Variants in PAPPA observed in about 807,000 individuals in gnomAD.
PAPPA encodes pappalysin 1, also known as pappalysin-1.
Under a neutral mutation model 164.0 loss-of-function variants are expected in PAPPA, and 60 were observed. The observed-to-expected ratio is 0.37, with a 90% CI of 0.30 to 0.45. The LOEUF (loss-of-function observed/expected upper bound fraction) is 0.45, where lower values mean the gene tolerates loss of function less well. Ranked by LOEUF, PAPPA falls within the 20% of genes least tolerant of loss-of-function variation. The pLI is 1.00. For synonymous variants in PAPPA, 875 were observed against 814.1 expected (o/e 1.07, Z -1.27); for missense variants, 1,782 against 2,087.3 (o/e 0.85, Z 2.85).
At chr9:116,229,145 G>A (rs769519568) in intron 6 of PAPPA, among the ~76,000 whole-genome samples, 16 of 152,182 alleles carry the variant, frequency 1.1e-4, no homozygotes, top group Non-Finnish European at 2.1e-4. Context: ...CAGAACTGGA[G>A]ACTCAGTCTT....
At chr9:116,169,961 C>T (rs940458005) in intron 1 of PAPPA, among the ~76,000 whole-genome samples, 21 of 151,880 alleles carry the variant, frequency 1.4e-4, no homozygotes, top group Admixed American at 4.6e-4. Flanking sequence ...CTTATGAATA[C>T]GAGTACCAAG....
chr9:116,353,164 C>T (rs1846306406), intron 16 of PAPPA, among the ~76,000 whole-genome samples: 1 of 152,136 alleles, frequency 6.6e-6, no homozygotes, highest in Non-Finnish European at 1.5e-5. Flanking sequence ...TACTTCTCTG[C>T]ACTTCATTTT....
chr9:116,243,927 G>A (rs969304987), intron 7 of PAPPA, among the ~76,000 whole-genome samples: 2 of 152,096 alleles, frequency 1.3e-5, no homozygotes, highest in Non-Finnish European at 2.9e-5. Flanking sequence ...GAAGAGATGA[G>A]CAGCATCAGT....
intron 1 of PAPPA, among the ~76,000 whole-genome samples, chr9:116,162,557 G>A (rs1291117815): frequency 6.6e-6 from 1 of 152,148 alleles, no homozygotes; most frequent in East Asian, 1.9e-4. Context: ...CCTGCTGGTT[G>A]TGTGACCTTG....
intron 19 of PAPPA, chr9:116,373,802 G>C (rs1365208699): frequency 6.6e-6 from 1 of 152,104 alleles, no homozygotes; most frequent in Non-Finnish European, 1.5e-5. Context: ...AGATAAATGT[G>C]GGTTTAATTG....
chr9:116,171,962 T>C (rs1843780574), intron 1 of PAPPA, among the ~76,000 whole-genome samples: 1 of 152,208 alleles, frequency 6.6e-6, no homozygotes, highest in Non-Finnish European at 1.5e-5. Flanking sequence ...CTAAGCCTTT[T>C]TCTAAGGTTT....
intron 13 of PAPPA, among the ~76,000 whole-genome samples, chr9:116,339,234 A>T (rs1588010665): frequency 6.6e-6 from 1 of 152,134 alleles, no homozygotes; most frequent in African/African-American, 2.4e-5. Flanking sequence ...AAAAAACAGA[A>T]TTCTTCTTGG....
chr9:116,291,769 A>G (rs1181504395), intron 9 of PAPPA, among the ~76,000 whole-genome samples: 1 of 151,974 alleles, frequency 6.6e-6, no homozygotes, highest in African/African-American at 2.4e-5. Context: ...CTTCTATTAA[A>G]CTTGTGTTGG....
chr9:116,182,774 C>T (rs1843922390), intron 1 of PAPPA, among the ~76,000 whole-genome samples: 1 of 152,138 alleles, frequency 6.6e-6, no homozygotes, highest in African/African-American at 2.4e-5. Context: ...TCACATCCAG[C>T]CTAGCTGCAG....
intron 7 of PAPPA, among the ~76,000 whole-genome samples, chr9:116,241,813 G>A (rs776508203): frequency 6.6e-6 from 1 of 152,168 alleles, no homozygotes; most frequent in Non-Finnish European, 1.5e-5. Flanking sequence ...TGAAGGCACA[G>A]GTGGCTCTTA....
Position 116,157,275 on chromosome 9 carries a change from T to C in PAPPA, c.415+2688T>C, listed in dbSNP as rs1715167334. On this transcript the variant is annotated intron_variant, in intron 1 of 21. Transcript: ENST00000328252. ...ATTTCTGCCCCGGTTCAAACTTCAC[T>C]GACACCAGTTCAGACAGGCGCTCGG... 3.3e-5 allele frequency among the ~76,000 whole-genome samples: 5 copies of C among 152,166 alleles called. No individual in the cohort carries two copies. In the South Asian group the frequency reaches 1.0e-3, roughly 31 times the overall value.
intron 1 of PAPPA, among the ~76,000 whole-genome samples, chr9:116,182,723 A>T (rs2118616733): frequency 6.6e-6 from 1 of 152,284 alleles, no homozygotes; most frequent in South Asian, 2.1e-4. Context: ...AGGCAATGAA[A>T]AAAATAGACA....
intron 1 of PAPPA, among the ~76,000 whole-genome samples, chr9:116,165,918 A>G (rs761793500): frequency 3.3e-5 from 5 of 152,206 alleles, no homozygotes; most frequent in Non-Finnish European, 5.9e-5. Flanking sequence ...TGGAATTATG[A>G]CATTTAATTG....
Position 116,398,502 on chromosome 9 carries a change from C to G in PAPPA, c.*1886C>G, listed in dbSNP as rs1564257058. On this transcript the variant is annotated 3_prime_UTR_variant, in exon 22 of 22. Transcript: ENST00000328252. ...CTTAAAAAAAAAAAAAAAAAGAGAC[C>G]AAAAATAACTTTAGGAACCACCATA... The G allele has an allele frequency of 1.8e-6, 2 of 1,131,138 alleles. No homozygotes were observed. The allele number at this position is 1,131,138 out of a possible 1,614,324, so 70.1% of individuals were successfully genotyped here.
At chr9:116,279,466 A>C (rs1845241728) in intron 9 of PAPPA, among the ~76,000 whole-genome samples, 2 of 151,974 alleles carry the variant, frequency 1.3e-5, no homozygotes, top group African/African-American at 4.8e-5. Context: ...CCCCACAGAG[A>C]GGCAGGGCTG....
intron 10 of PAPPA, among the ~76,000 whole-genome samples, chr9:116,329,712 T>A (rs1845965439): frequency 1.3e-5 from 2 of 152,208 alleles, no homozygotes; most frequent in South Asian, 4.1e-4. Flanking sequence ...TTCCTCTCAA[T>A]GTTATGTTTT....
chr9:116,210,278 T>C (rs1420978102), intron 3 of PAPPA, among the ~76,000 whole-genome samples: 1 of 152,166 alleles, frequency 6.6e-6, no homozygotes, highest in Non-Finnish European at 1.5e-5. Context: ...ATTCAATCTC[T>C]GAAATTAAGT....
intron 1 of PAPPA, among the ~76,000 whole-genome samples, chr9:116,169,190 A>G (rs1843746986): frequency 6.6e-6 from 1 of 151,172 alleles, no homozygotes; most frequent in Non-Finnish European, 1.5e-5. Context: ...ATTGAAATGT[A>G]TATGCTTATC....
chr9:116,177,997 T>C (rs960589079), intron 1 of PAPPA, among the ~76,000 whole-genome samples: 4 of 152,190 alleles, frequency 2.6e-5, no homozygotes, highest in African/African-American at 9.7e-5. Context: ...CATCTTCATT[T>C]CAGAGAACAG....
Sources: allele counts gnomAD v4.1 joint callset (sites outside exome capture counted in the v4.1 genomes callset), GRCh38; gene constraint gnomAD v4.1.1; transcripts MANE v1.5; gene names NCBI Gene and HGNC (gene_info 2026-07-23, HGNC 2026-07-21).